Variants in MNAT1 observed in about 807,000 individuals in gnomAD.
MNAT1 encodes the protein MNAT1 component of CDK activating kinase.
A neutral mutation model predicts 42.0 loss-of-function variants in MNAT1; 43 were observed. The observed-to-expected ratio is 1.02, with a 90% CI of 0.80 to 1.32. The LOEUF is 1.32. MNAT1 is among the 40% of genes most tolerant of loss of function. The pLI is 0.00. For missense variants in MNAT1, 306 were observed against 350.4 expected (o/e 0.87, Z 1.01); for synonymous variants, 118 against 120.0 (o/e 0.98, Z 0.11).
chr14:60,809,393 G>C (rs962131493), intron 4 of MNAT1, among the ~76,000 whole-genome samples: 2 of 151,964 alleles, frequency 1.3e-5, no homozygotes, highest in Non-Finnish European at 2.9e-5. Context: ...AGCTAGCCTA[G>C]CTTTCTTTTA....
intron 1 of MNAT1, chr14:60,780,011 A>G: frequency 6.4e-7 from 1 of 1,563,164 alleles, no homozygotes; most frequent in Non-Finnish European, 8.8e-7. Flanking sequence ...GCAGGGAATC[A>G]CCCTGCGTGG....
intron 1 of MNAT1, among the ~76,000 whole-genome samples, chr14:60,792,059 C>A (rs1000910386): frequency 6.6e-6 from 1 of 152,090 alleles, no homozygotes; most frequent in Non-Finnish European, 1.5e-5. Flanking sequence ...ATTTTGAGTT[C>A]CAAGTAGCTA....
intron 6 of MNAT1, among the ~76,000 whole-genome samples, chr14:60,821,033 G>GTTAAGAGA (rs200173740): frequency 0.027 from 4,120 of 152,234 alleles, 88 homozygotes; most frequent in Non-Finnish European, 0.044. Flanking sequence ...AAAAGATACT[G>GTTAAGAGA]TTAAGAGAAT....
At chr14:60,794,213 T>C (rs548281543) in intron 1 of MNAT1, among the ~76,000 whole-genome samples, 4 of 152,268 alleles carry the variant, frequency 2.6e-5, no homozygotes, top group East Asian at 1.9e-4. Flanking sequence ...TCACCTTCCA[T>C]GGATGGGTTT....
At chr14:60,901,589 T>C (rs1252140826) in intron 7 of MNAT1, among the ~76,000 whole-genome samples, 1 of 152,208 alleles carries the variant, frequency 6.6e-6, no homozygotes, top group African/African-American at 2.4e-5. Flanking sequence ...GGAATATTTG[T>C]GCATTAGGAA....
intron 1 of MNAT1, among the ~76,000 whole-genome samples, 169 bp downstream of exon 1, chr14:60,735,120 G>A (rs141814279): frequency 5.9e-5 from 9 of 152,240 alleles, no homozygotes; most frequent in African/African-American, 2.2e-4. Flanking sequence ...GTAGCCGCTA[G>A]CCCCGAGCGG....
At chr14:60,810,889 GTTGT>G (rs1473692174) in intron 4 of MNAT1, among the ~76,000 whole-genome samples, 2 of 152,090 alleles carry the variant, frequency 1.3e-5, no homozygotes, top group East Asian at 1.9e-4. Context: ...GAATTATAAA[GTTGT>G]TTAAGACTCC....
chr14:60,751,379 T>C (rs1240850630), intron 1 of MNAT1, among the ~76,000 whole-genome samples: 1 of 152,128 alleles, frequency 6.6e-6, no homozygotes, highest in Non-Finnish European at 1.5e-5. Context: ...CTTTATATTT[T>C]ATTTTCTAGG....
chr14:60,861,416 ATTTCT>A (rs897222831), intron 6 of MNAT1, among the ~76,000 whole-genome samples: 43 of 152,308 alleles, frequency 2.8e-4, no homozygotes, highest in African/African-American at 9.1e-4. Flanking sequence ...AAAGAAAGAA[ATTTCT>A]TTGTTAAGGG....
chr14:60,847,823 A>G (rs1332742046), intron 6 of MNAT1, among the ~76,000 whole-genome samples: 1 of 152,192 alleles, frequency 6.6e-6, no homozygotes, highest in African/African-American at 2.4e-5. Flanking sequence ...AATATGTAGA[A>G]TATTTAATTC....
At chr14:60,806,942 G>C (rs2032389823) in intron 3 of MNAT1, among the ~76,000 whole-genome samples, 1 of 152,172 alleles carries the variant, frequency 6.6e-6, no homozygotes, top group Non-Finnish European at 1.5e-5. Flanking sequence ...GTCAGGACTA[G>C]AGTGTGATTT....
intron 7 of MNAT1, among the ~76,000 whole-genome samples, chr14:60,930,206 T>TTTATTATTATTATTA (rs71114168): frequency 2.2e-3 from 308 of 138,730 alleles, no homozygotes; most frequent in East Asian, 5.4e-3. Flanking sequence ...TTCTTCCGTC[T>TTTATTATTATTATTA]TTATTATTAT....
At chr14:60,888,038 A>G (rs2034723954) in intron 7 of MNAT1, among the ~76,000 whole-genome samples, 1 of 150,274 alleles carries the variant, frequency 6.7e-6, no homozygotes. Context: ...AACTGGTACC[A>G]TTCCTTCTGA....
chr14:60,926,004 G>T (rs2035756268), intron 7 of MNAT1, among the ~76,000 whole-genome samples: 1 of 152,128 alleles, frequency 6.6e-6, no homozygotes, highest in South Asian at 2.1e-4. Flanking sequence ...TGTAAGAGGA[G>T]ATCTTTTGAT....
chr14:60,928,768 A>G (rs1447492234), intron 7 of MNAT1, among the ~76,000 whole-genome samples: 1 of 152,070 alleles, frequency 6.6e-6, no homozygotes, highest in Admixed American at 6.5e-5. Flanking sequence ...AGTTAAAAAA[A>G]GAATGTCATT....
At chr14:60,856,700 G>A (rs900104297) in intron 6 of MNAT1, among the ~76,000 whole-genome samples, 1 of 88,130 alleles carries the variant, frequency 1.1e-5, no homozygotes, top group Non-Finnish European at 2.3e-5. Flanking sequence ...TTTTTTTTTT[G>A]AGATGGAGTC....
chr14:60,866,545 A>G (rs976917060), intron 6 of MNAT1, among the ~76,000 whole-genome samples: 4 of 152,058 alleles, frequency 2.6e-5, no homozygotes, highest in Non-Finnish European at 5.9e-5. Flanking sequence ...GAATGAAATT[A>G]TAGTCAAAAC....
At chr14:60,881,885 C>T (rs1341365183) in intron 7 of MNAT1, among the ~76,000 whole-genome samples, 5 of 152,064 alleles carry the variant, frequency 3.3e-5, no homozygotes, top group Admixed American at 2.0e-4. Context: ...CTTGGCCAGG[C>T]GCAGTGGCTC....
In MNAT1 at chr14:60,938,917, A is replaced by T. The variant is rs2036071661; in HGVS notation, c.810-29312A>T. 2.0e-5 allele frequency among the ~76,000 whole-genome samples: 3 copies of T among 152,086 alleles called. No homozygotes were observed. The South Asian group carries it at 6.2e-4, about 32-fold the overall frequency. ...TATTGCCTCAATTTCAGAGCCTGTT[A>T]TTGGTCTATTCAGAGATTCAACTTC... On this transcript the variant is annotated intron_variant, in intron 7 of 7. Coordinates refer to ENST00000261245, the MANE Select transcript of MNAT1 (RefSeq NM_002431.4).
Sources: gnomAD v4.1 joint callset for allele counts (sites outside exome capture counted in the v4.1 genomes callset) on GRCh38, gnomAD v4.1.1 for gene constraint, MANE v1.5 for transcripts, NCBI Gene and HGNC (gene_info 2026-07-23, HGNC 2026-07-21) for gene names.